LZTFL1: variants seen among roughly 807,000 people sequenced by gnomAD.
LZTFL1 encodes leucine zipper transcription factor-like protein 1.
LZTFL1 carries 25 observed loss-of-function variants against 45.9 expected under a neutral mutation model. The ratio of observed to expected loss-of-function variants is 0.54; its 90% confidence interval spans 0.40 to 0.76. The LOEUF is 0.76. LZTFL1 is among the 30% of genes least tolerant of loss of function. LZTFL1 has a pLI of 0.00. For synonymous variants in LZTFL1, 93 were observed against 117.4 expected (o/e 0.79, Z 1.35); for missense variants, 277 against 331.1 (o/e 0.84, Z 1.27).
chr3:45,830,948 GTGC>G lies in LZTFL1; in HGVS notation c.562_564del (p.Ala188del), dbSNP rs1192289816. On this transcript the variant is annotated inframe_deletion, in exon 7 of 10. Transcript: ENST00000296135. ...CCTTGATCAAGCTGTAAATCTTGCAGTGCTTTTTCTAGTTTTGACTTTTCATCC... is the reference window on the plus strand; with the variant it reads ...CCTTGATCAAGCTGTAAATCTTGCAGTTTTTCTAGTTTTGACTTTTCATCC... 1.2e-6 allele frequency: 2 copies of G among 1,613,948 alleles called. No individual in the cohort carries two copies. The highest frequency in any genetic ancestry group is 3.3e-5 in the Admixed American group (2 of 59,994).
intron 2 of LZTFL1, among the ~76,000 whole-genome samples, chr3:45,890,946 AG>A (rs1222623870): frequency 6.6e-6 from 1 of 152,230 alleles, no homozygotes; most frequent in Admixed American, 6.5e-5. Context: ...AAAAGTTCAA[AG>A]TGTACGAATG....
intron 1 of LZTFL1, among the ~76,000 whole-genome samples, chr3:45,915,079 C>T (rs931452219): frequency 5.3e-5 from 8 of 152,190 alleles, no homozygotes; most frequent in African/African-American, 1.9e-4. Context: ...CTTGTCTTTC[C>T]ACATCAGCAG....
chr3:45,911,019 T>C (rs558370223), intron 2 of LZTFL1, among the ~76,000 whole-genome samples: 1 of 152,238 alleles, frequency 6.6e-6, no homozygotes, highest in African/African-American at 2.4e-5. Context: ...ACACGGCAGC[T>C]TCAGCAGGGA....
intron 1 of LZTFL1, among the ~76,000 whole-genome samples, chr3:45,840,359 T>C (rs1046507529): frequency 6.6e-6 from 1 of 152,140 alleles, no homozygotes; most frequent in Non-Finnish European, 1.5e-5. Context: ...TGTCAAATCA[T>C]TAGAGAGGAA....
At chr3:45,858,186 T>C (rs1701425906) in intron 3 of LZTFL1, among the ~76,000 whole-genome samples, 1 of 152,226 alleles carries the variant, frequency 6.6e-6, no homozygotes, top group African/African-American at 2.4e-5. Flanking sequence ...AGATTAAAAA[T>C]AAATGTTACC....
intron 2 of LZTFL1, among the ~76,000 whole-genome samples, chr3:45,836,534 A>C (rs1000001111): frequency 6.6e-6 from 1 of 152,114 alleles, no homozygotes; most frequent in African/African-American, 2.4e-5. Context: ...CACGTGCCTT[A>C]ATCTTAGCTA....
At chr3:45,829,608 GAAAAAA>G (rs1206418827) in intron 7 of LZTFL1, among the ~76,000 whole-genome samples, 1 of 58,932 alleles carries the variant, frequency 1.7e-5, no homozygotes, top group African/African-American at 6.0e-5. Context: ...TGTCTCAAAA[GAAAAAA>G]AAAAAAAAAA....
intron 2 of LZTFL1, chr3:45,913,051 A>C: frequency 7.0e-7 from 1 of 1,421,990 alleles, no homozygotes; most frequent in Non-Finnish European, 9.5e-7. Flanking sequence ...GTTTAGAGAA[A>C]ACCACTCCTA....
At chr3:45,902,320 A>G (rs1702585508) in intron 2 of LZTFL1, 1 of 174,922 alleles carries the variant, frequency 5.7e-6, no homozygotes, top group Non-Finnish European at 1.4e-5. Context: ...GCAAAAGCAG[A>G]AAGTTTCGTG....
rs1191826866 is a variant in LZTFL1, at chr3:45,824,738, T to C, written c.*1576A>G. On this transcript the variant is annotated 3_prime_UTR_variant, in exon 10 of 10. Transcript: ENST00000296135. The stretch of plus-strand genomic sequence containing the variant: ...CCAAGAGTTCTGCTTCTGAATTACA[T>C]AGAACATCTTGGTCCACAGACAATG... The C allele has an allele frequency of 1.0e-5, 4 of 397,786 alleles. No homozygotes were observed. The highest frequency in any genetic ancestry group is 4.4e-5 in the Admixed American group (1 of 22,698). The allele number at this position is 397,786 out of a possible 1,614,324, so 24.6% of individuals were successfully genotyped here.
chr3:45,904,024 T>C (rs1172404985), intron 2 of LZTFL1, among the ~76,000 whole-genome samples: 2 of 152,216 alleles, frequency 1.3e-5, no homozygotes, highest in South Asian at 2.1e-4. Flanking sequence ...TGCTCTGTCA[T>C]GGGAGTCCCA....
At chr3:45,838,517 C>A (rs975783920) in intron 1 of LZTFL1, among the ~76,000 whole-genome samples, 2 of 152,212 alleles carry the variant, frequency 1.3e-5, no homozygotes, top group African/African-American at 4.8e-5. Context: ...CTTCTGTATT[C>A]TTCAAGCCAC....
Position 45,899,561 on chromosome 3 carries a change from A to G in LZTFL1, c.-215+13559T>C, listed in dbSNP as rs55892259. Among the ~76,000 whole-genome samples the G allele has an allele frequency of 3.2e-3, 490 of 152,356 alleles. 3 individuals carry two copies. The highest frequency in any genetic ancestry group is 0.011 in the African/African-American group (450 of 41,582). ...TGAATTGAACTATTGCATTTGCCTC[A>G]GGATAAATAAAAGTAGAGATGAGAT... On this transcript the variant is annotated intron_variant, in intron 2 of 4. Transcript: ENST00000472635.
chr3:45,910,846 G>A (rs753189868), intron 2 of LZTFL1, among the ~76,000 whole-genome samples: 8 of 152,152 alleles, frequency 5.3e-5, no homozygotes, highest in Non-Finnish European at 1.2e-4. Context: ...TTTGTGAGCC[G>A]GGAATTTGGA....
chr3:45,885,606 T>C (rs866953187), intron 2 of LZTFL1, among the ~76,000 whole-genome samples: 1 of 152,242 alleles, frequency 6.6e-6, no homozygotes, highest in Admixed American at 6.5e-5. Flanking sequence ...AATAGCACTG[T>C]TGGCGACGAT....
intron 2 of LZTFL1, among the ~76,000 whole-genome samples, chr3:45,887,325 A>C (rs1702014638): frequency 6.6e-6 from 1 of 152,184 alleles, no homozygotes; most frequent in African/African-American, 2.4e-5. Context: ...CAGAAACTTA[A>C]CAATGGCTAA....
chr3:45,890,335 A>AAATAT (rs367843336), intron 2 of LZTFL1, among the ~76,000 whole-genome samples: 1,187 of 61,748 alleles, frequency 0.019, 326 homozygotes, highest in African/African-American at 0.14. Flanking sequence ...ATATATATAT[A>AAATAT]ACATATATAT....
At chr3:45,863,036 C>A (rs1056707723) in intron 2 of LZTFL1, among the ~76,000 whole-genome samples, 1 of 152,054 alleles carries the variant, frequency 6.6e-6, no homozygotes, top group Non-Finnish European at 1.5e-5. Flanking sequence ...TTATGAGACC[C>A]AAGAATAATT....
rs1700594283 is a variant in LZTFL1, at chr3:45,823,553, C to T, written c.*2761G>A. 6.6e-6 allele frequency: 1 copy of T among 152,312 alleles called. No homozygotes were observed. The highest frequency in any genetic ancestry group is 6.5e-5 in the Admixed American group (1 of 15,288). The allele number at this position is 152,312 out of a possible 1,614,324, so 9.4% of individuals were successfully genotyped here. ...CTCCAAACCAGTTGTCACCAACCCA[C>T]TCACCTCTATTCAAGACAGAGGTCA... On this transcript the variant is annotated 3_prime_UTR_variant, in exon 10 of 10. Coordinates refer to ENST00000296135, the MANE Select transcript of LZTFL1 (RefSeq NM_020347.4).
Sources: allele counts gnomAD v4.1 joint callset (sites outside exome capture counted in the v4.1 genomes callset), GRCh38; gene constraint gnomAD v4.1.1; transcripts MANE v1.5; gene names NCBI Gene and HGNC (gene_info 2026-07-23, HGNC 2026-07-21).